The following FTCDNL1 variants were observed in gnomAD, a reference collection of about 807,000 sequenced individuals.
The protein encoded by FTCDNL1 is formiminotransferase cyclodeaminase N-terminal like, also known as formiminotransferase N-terminal subdomain-containing protein.
A neutral mutation model predicts 5.9 loss-of-function variants in FTCDNL1; 11 were observed. The observed-to-expected ratio is 1.87, with a 90% CI of 1.18 to 3.10. The LOEUF is 3.10. Among genes scored for constraint, FTCDNL1 ranks in the 30% most tolerant of loss-of-function variants. FTCDNL1 has a pLI of 0.00. For synonymous variants in FTCDNL1, 58 were observed against 24.8 expected, an observed-to-expected ratio of 2.34 and a Z score of -3.99; for missense variants, 115 against 65.5, an observed-to-expected ratio of 1.76 and a Z score of -2.61.
At chr2:199,753,604 C>T in the FTCDNL1 span, among the ~76,000 whole-genome samples, 1 of 152,354 alleles carries the variant, frequency 6.6e-6, no homozygotes, top group Non-Finnish European at 1.5e-5. Context: ...GTCACTGTCA[C>T]TGGGAATTCA....
intron 4 of FTCDNL1, among the ~76,000 whole-genome samples, chr2:199,817,858 C>A (rs1282848535): frequency 1.3e-5 from 2 of 152,002 alleles, no homozygotes. Context: ...ATTATCCAAC[C>A]ACAGGCAGGT....
At chr2:199,748,983 C>T in the FTCDNL1 span, among the ~76,000 whole-genome samples, 26 of 152,282 alleles carry the variant, frequency 1.7e-4, no homozygotes, top group African/African-American at 5.8e-4. Context: ...GCACAGGAGG[C>T]CTTGCAGAAG....
intron 3 of FTCDNL1, among the ~76,000 whole-genome samples, chr2:199,799,974 G>A (rs780743471): frequency 5.9e-5 from 9 of 152,138 alleles, no homozygotes; most frequent in Admixed American, 1.3e-4. Context: ...AGGTAAAACA[G>A]ACAGCTTCCT....
At chr2:199,775,447 C>G (rs1160835121) in intron 3 of FTCDNL1, among the ~76,000 whole-genome samples, 1 of 152,172 alleles carries the variant, frequency 6.6e-6, no homozygotes, top group Non-Finnish European at 1.5e-5. Flanking sequence ...TCCCTGGGAA[C>G]TGATGAAAAC....
the FTCDNL1 span, among the ~76,000 whole-genome samples, chr2:199,693,856 G>C: frequency 1.3e-5 from 2 of 152,212 alleles, no homozygotes; most frequent in African/African-American, 4.8e-5. Context: ...TGAACCACTG[G>C]ACAGATTTCT....
chr2:199,739,993 AC>A, the FTCDNL1 span, among the ~76,000 whole-genome samples: 1 of 152,158 alleles, frequency 6.6e-6, no homozygotes, highest in Non-Finnish European at 1.5e-5. Flanking sequence ...TTAAAGATGA[AC>A]ACTGCCCCCT....
chr2:199,745,162 A>T, the FTCDNL1 span, among the ~76,000 whole-genome samples: 1 of 152,218 alleles, frequency 6.6e-6, no homozygotes, highest in African/African-American at 2.4e-5. Flanking sequence ...AGTTTTACTG[A>T]TATTTATCGA....
chr2:199,675,476 C>T, the FTCDNL1 span, among the ~76,000 whole-genome samples: 6 of 152,042 alleles, frequency 3.9e-5, no homozygotes, highest in Admixed American at 2.0e-4. Context: ...AAATTAATAA[C>T]TACATTAGCC....
chr2:199,847,213 G>GA lies in FTCDNL1; in HGVS notation c.116-1044dup, dbSNP rs200628485. Among the ~76,000 whole-genome samples, 653 of 140,018 alleles carry GA rather than the reference G, an allele frequency of 4.7e-3. 3 individuals carry two copies. The highest frequency in any genetic ancestry group is 0.015 in the African/African-American group (552 of 37,954). 91.9% of individuals were successfully genotyped at this position (140,018 alleles called of 152,430 possible). On this transcript the variant is annotated intron_variant, in intron 2 of 4. Coordinates refer to ENST00000420128, the MANE Select transcript of FTCDNL1 (RefSeq NM_001363886.2). ...TAAATGTGCTCACATTGCTTAATTA[G>GA]AAAAAAAAAATACAGTTTATATGGT...
the FTCDNL1 span, among the ~76,000 whole-genome samples, chr2:199,750,290 G>A: frequency 6.6e-6 from 1 of 151,884 alleles, no homozygotes; most frequent in Non-Finnish European, 1.5e-5. Context: ...CCTGAGAGGT[G>A]GAGGGTGCAA....
the FTCDNL1 span, among the ~76,000 whole-genome samples, chr2:199,712,822 A>G: frequency 6.6e-6 from 1 of 152,050 alleles, no homozygotes; most frequent in Non-Finnish European, 1.5e-5. Flanking sequence ...GTGTCTTCAC[A>G]TTGTCTTCTT....
intron 3 of FTCDNL1, among the ~76,000 whole-genome samples, chr2:199,762,446 G>A (rs1410471579): frequency 2.0e-5 from 3 of 152,152 alleles, no homozygotes; most frequent in African/African-American, 7.2e-5. Flanking sequence ...TGGAACACAT[G>A]CATCCCACAG....
At chr2:199,797,740 T>C (rs1054378843) in intron 3 of FTCDNL1, among the ~76,000 whole-genome samples, 1 of 152,204 alleles carries the variant, frequency 6.6e-6, no homozygotes, top group Admixed American at 6.5e-5. Context: ...CCTGGAATTG[T>C]TTGCACAGAA....
chr2:199,734,356 A>C, the FTCDNL1 span, among the ~76,000 whole-genome samples: 1 of 152,222 alleles, frequency 6.6e-6, no homozygotes, highest in African/African-American at 2.4e-5. Context: ...ACAGAGAAGA[A>C]AAGCTTCCAA....
the FTCDNL1 span, among the ~76,000 whole-genome samples, chr2:199,672,910 C>G: frequency 6.6e-6 from 1 of 151,948 alleles, no homozygotes; most frequent in Non-Finnish European, 1.5e-5. Context: ...CTAAACCTGA[C>G]CCATGTTCAA....
At chr2:199,745,287 T>G in the FTCDNL1 span, among the ~76,000 whole-genome samples, 1 of 152,232 alleles carries the variant, frequency 6.6e-6, no homozygotes, top group South Asian at 2.1e-4. Context: ...CTTCATGGAG[T>G]TTACATTTTA....
chr2:199,776,147 C>T (rs938321968), intron 3 of FTCDNL1, among the ~76,000 whole-genome samples: 8 of 152,048 alleles, frequency 5.3e-5, no homozygotes, highest in Non-Finnish European at 1.2e-4. Flanking sequence ...CTCCTGACCT[C>T]GTAATCCACC....
At chr2:199,664,020 A>T in the FTCDNL1 span, among the ~76,000 whole-genome samples, 1 of 151,992 alleles carries the variant, frequency 6.6e-6, no homozygotes, top group East Asian at 1.9e-4. Context: ...CTCTTCAGTG[A>T]CTGATGGACT....
chr2:199,705,348 T>G, the FTCDNL1 span, among the ~76,000 whole-genome samples: 1 of 152,210 alleles, frequency 6.6e-6, no homozygotes, highest in African/African-American at 2.4e-5. Context: ...CTTCTAAATG[T>G]ATCCCTATAA....
Sources: allele counts gnomAD v4.1 joint callset (sites outside exome capture counted in the v4.1 genomes callset), GRCh38; gene constraint gnomAD v4.1.1; transcripts MANE v1.5; gene names NCBI Gene and HGNC (gene_info 2026-07-23, HGNC 2026-07-21).